PPP6R3: variants seen among roughly 807,000 people sequenced by gnomAD.
PPP6R3 encodes the protein protein phosphatase 6 regulatory subunit 3.
Under a neutral mutation model 110.7 loss-of-function variants are expected in PPP6R3, and 38 were observed. The ratio of observed to expected loss-of-function variants is 0.34; its 90% CI spans 0.26 to 0.45. The LOEUF is 0.45. PPP6R3 is among the 20% of genes least tolerant of loss of function. The probability of loss-of-function intolerance (pLI) is 1.00; values close to 1 mark genes in which losing one functional copy is unlikely to be tolerated. For missense variants in PPP6R3, 870 were observed against 1,062.4 expected (o/e 0.82, Z 2.52); for synonymous variants, 369 against 373.5 (o/e 0.99, Z 0.14).
chr11:68,462,349 T>G (rs981399938), intron 1 of PPP6R3, among the ~76,000 whole-genome samples: 3 of 152,176 alleles, frequency 2.0e-5, no homozygotes, highest in Non-Finnish European at 2.9e-5. Context: ...CAGGACAGGG[T>G]TTTTGACCAT....
At chr11:68,477,461 C>T (rs1488777439) in intron 1 of PPP6R3, among the ~76,000 whole-genome samples, 1 of 151,894 alleles carries the variant, frequency 6.6e-6, no homozygotes, top group Admixed American at 6.6e-5. Context: ...TGACTTATGC[C>T]TGTTATCCCG....
intron 14 of PPP6R3, among the ~76,000 whole-genome samples, chr11:68,581,655 G>A (rs983617721): frequency 2.0e-5 from 3 of 152,210 alleles, no homozygotes; most frequent in African/African-American, 7.2e-5. Context: ...GATGCCAGCT[G>A]CCATGACCAA....
chr11:68,563,103 C>CGAA, intron 8 of PPP6R3, among the ~76,000 whole-genome samples: 1 of 128,520 alleles, frequency 7.8e-6, no homozygotes, highest in African/African-American at 2.9e-5. Flanking sequence ...CCATCTCTAC[C>CGAA]GAAAAAAAAA....
Position 68,569,798 on chromosome 11 carries a change from A to G in PPP6R3, c.1179A>G (p.Glu393=). The G allele has an allele frequency of 6.2e-7, 1 of 1,607,624 alleles. No individual in the cohort carries two copies. The highest frequency in any genetic ancestry group is 8.5e-7 in the Non-Finnish European group (1 of 1,175,458). ...ATAACTTTTTGCATACACAAGTGGA[A>G]ATTTGTATTGCACTGATTCTTGCAA... ...TWNNFLHTQV[E]ICIALILASP... is the part of the protein sequence containing the mutation. Residue 393 remains glutamate (E), a synonymous_variant, in exon 11 of 24, where the codon GAA becomes GAG. Transcript: ENST00000393800.
chr11:68,562,828 A>G (rs1457389390), intron 8 of PPP6R3, among the ~76,000 whole-genome samples: 1 of 152,254 alleles, frequency 6.6e-6, no homozygotes, highest in Non-Finnish European at 1.5e-5. Context: ...TCTTTGTCTC[A>G]GAGTCATGTA....
intron 1 of PPP6R3, among the ~76,000 whole-genome samples, chr11:68,465,113 C>T (rs940149227): frequency 2.0e-5 from 3 of 152,166 alleles, no homozygotes; most frequent in African/African-American, 7.2e-5. Flanking sequence ...ATCTCCTGAC[C>T]TCAAGTGATC....
chr11:68,583,705 A>G (rs2099569671), intron 15 of PPP6R3, among the ~76,000 whole-genome samples: 1 of 152,152 alleles, frequency 6.6e-6, no homozygotes, highest in South Asian at 2.1e-4. Flanking sequence ...CTGATTTATC[A>G]TCCATTGTTA....
At chr11:68,605,081 T>C (rs1261613376) in intron 22 of PPP6R3, among the ~76,000 whole-genome samples, 2 of 152,214 alleles carry the variant, frequency 1.3e-5, no homozygotes, top group Non-Finnish European at 2.9e-5. Flanking sequence ...GGCTTGCACC[T>C]GTAATCCCAG....
intron 14 of PPP6R3, among the ~76,000 whole-genome samples, chr11:68,577,767 G>C (rs1433679631): frequency 1.3e-5 from 2 of 152,136 alleles, no homozygotes; most frequent in Admixed American, 6.5e-5. Context: ...GACTGTGTTA[G>C]AAAAAAATTA....
chr11:68,590,641 T>C lies in PPP6R3; in HGVS notation c.1731-19T>C. The C allele has an allele frequency of 1.1e-6, 1 of 892,328 alleles. No homozygotes were observed. The highest frequency in any genetic ancestry group is 1.7e-5 in the South Asian group (1 of 58,380). The allele number at this position is 892,328 out of a possible 1,614,324, so 55.3% of individuals were successfully genotyped here. On this transcript the variant is annotated intron_variant, in intron 16 of 23. Coordinates refer to ENST00000393800, the MANE Select transcript of PPP6R3 (RefSeq NM_001164161.2). ...ATAGTAATTAATGCTTCCTACACTT[T>C]TATTTTGTTTTTTTACAGTGTTTCT...
At chr11:68,525,588 C>T (rs955134557) in intron 2 of PPP6R3, among the ~76,000 whole-genome samples, 2 of 152,142 alleles carry the variant, frequency 1.3e-5, no homozygotes, top group African/African-American at 4.8e-5. Flanking sequence ...GGGTTATATA[C>T]AGTCTGATCA....
At chr11:68,547,589 G>C (rs935247788) in intron 4 of PPP6R3, among the ~76,000 whole-genome samples, 2 of 152,180 alleles carry the variant, frequency 1.3e-5, no homozygotes, top group African/African-American at 4.8e-5. Flanking sequence ...TGTGTAGCCA[G>C]GTGAGTTAGT....
At chr11:68,547,080 C>T (rs757843552) in intron 4 of PPP6R3, among the ~76,000 whole-genome samples, 16 of 152,170 alleles carry the variant, frequency 1.1e-4, no homozygotes, top group Non-Finnish European at 2.2e-4. Flanking sequence ...TTTTAGTTGT[C>T]ATTTCTGGCT....
chr11:68,567,259 C>A, intron 10 of PPP6R3, 93 bp downstream of exon 10: 1 of 1,304,770 alleles, frequency 7.7e-7, no homozygotes, highest in South Asian at 1.8e-5. Context: ...TACATTATGT[C>A]AGTGACTTTT....
chr11:68,612,378 C>G (rs1943939471), intron 23 of PPP6R3, among the ~76,000 whole-genome samples: 1 of 152,136 alleles, frequency 6.6e-6, no homozygotes, highest in Non-Finnish European at 1.5e-5. Context: ...ATCCCAGTTA[C>G]GGCCCTAAGC....
rs2099145573 is a variant in PPP6R3, at chr11:68,518,009, G to T, written c.-157-1492G>T. ...CTGATGACATAAGGAAAGAATAAGT[G>T]GGGAGAAGGGAGCATCCCTCACTGA... On this transcript the variant is annotated intron_variant, in intron 1 of 23. Transcript: ENST00000393800. 2.0e-5 allele frequency among the ~76,000 whole-genome samples: 3 copies of T among 152,088 alleles called. No homozygotes were observed. In the South Asian group the frequency reaches 6.2e-4, roughly 32 times the overall value.
intron 16 of PPP6R3, among the ~76,000 whole-genome samples, chr11:68,589,732 T>C (rs1438106198): frequency 6.6e-6 from 1 of 152,232 alleles, no homozygotes; most frequent in Non-Finnish European, 1.5e-5. Context: ...TGGAGCCTGT[T>C]GTTTGTCACA....
chr11:68,609,492 G>A (rs759429829), intron 22 of PPP6R3: 7 of 1,142,970 alleles, frequency 6.1e-6, no homozygotes, highest in South Asian at 1.3e-5. Flanking sequence ...CACCTTCACC[G>A]AGTCTGCAGT....
intron 2 of PPP6R3, among the ~76,000 whole-genome samples, chr11:68,529,548 A>T (rs2099224462): frequency 1.3e-5 from 2 of 152,128 alleles, no homozygotes; most frequent in Non-Finnish European, 2.9e-5. Flanking sequence ...TTGGCTCCTT[A>T]AGTCTAAACC....
Sources: allele counts gnomAD v4.1 joint callset (sites outside exome capture counted in the v4.1 genomes callset), GRCh38; gene constraint gnomAD v4.1.1; transcripts MANE v1.5; gene names NCBI Gene and HGNC (gene_info 2026-07-23, HGNC 2026-07-21).